Variants in MPRIP observed in about 807,000 individuals in gnomAD.
MPRIP encodes the protein myosin phosphatase Rho interacting protein.
In MPRIP, 59 loss-of-function variants were observed where a neutral mutation model predicts 234.9. That is an observed-to-expected ratio of 0.25 (90% CI 0.20 to 0.31). The LOEUF is 0.31. Among genes scored for constraint, MPRIP ranks in the 10% least tolerant of loss-of-function variants. MPRIP has a pLI of 1.00. For synonymous variants in MPRIP, 1,144 were observed against 1,263.9 expected, an observed-to-expected ratio of 0.91 and a Z score of 2.01; for missense variants, 2,436 against 3,071.0, an observed-to-expected ratio of 0.79 and a Z score of 4.89.
intron 3 of MPRIP, among the ~76,000 whole-genome samples, chr17:17,090,905 A>C (rs1364769345): frequency 6.6e-6 from 1 of 152,098 alleles, no homozygotes; most frequent in Non-Finnish European, 1.5e-5. Flanking sequence ...TTACCTGGTT[A>C]ATGTTTGAAG....
At chr17:17,173,143 G>A (rs927719422) in intron 18 of MPRIP, among the ~76,000 whole-genome samples, 2 of 152,292 alleles carry the variant, frequency 1.3e-5, no homozygotes, top group Non-Finnish European at 2.9e-5. Flanking sequence ...CCAGGAGCCA[G>A]GCAGCCGGGC....
chr17:17,178,344 C>T (rs1374449941), intron 22 of MPRIP: 1 of 152,084 alleles, frequency 6.6e-6, no homozygotes, highest in Non-Finnish European at 1.5e-5. Context: ...TTCTGTCAGG[C>T]AAGGAATAGT....
At chr17:17,109,995 T>C (rs2090138767) in intron 3 of MPRIP, among the ~76,000 whole-genome samples, 1 of 152,158 alleles carries the variant, frequency 6.6e-6, no homozygotes, top group South Asian at 2.1e-4. Flanking sequence ...TTGAAATGTG[T>C]TCCCCAGTGT....
At chr17:17,159,517 G>A (rs1165149760) in intron 14 of MPRIP, among the ~76,000 whole-genome samples, 1 of 152,210 alleles carries the variant, frequency 6.6e-6, no homozygotes, top group Non-Finnish European at 1.5e-5. Flanking sequence ...GAAGACAGTG[G>A]TGAGGCAGGG....
At chr17:17,174,201 T>A in intron 19 of MPRIP, 126 bp downstream of exon 19, 1 of 1,211,166 alleles carries the variant, frequency 8.3e-7, no homozygotes, top group Non-Finnish European at 1.1e-6. Context: ...TGAAGGTCCC[T>A]GAACCACAGA....
chr17:17,129,825 C>G (rs1018415615), intron 4 of MPRIP, among the ~76,000 whole-genome samples: 1 of 152,252 alleles, frequency 6.6e-6, no homozygotes, highest in East Asian at 1.9e-4. Flanking sequence ...TTAAGTGCAG[C>G]CTTCTGCAGG....
intron 3 of MPRIP, among the ~76,000 whole-genome samples, chr17:17,102,949 G>A (rs974423382): frequency 1.3e-5 from 2 of 152,234 alleles, no homozygotes; most frequent in African/African-American, 4.8e-5. Context: ...AACCACTTCT[G>A]TCTGGCATGG....
rs372801599 is a variant in MPRIP, at chr17:17,147,285, G to A, written c.1561-34G>A. Reference sequence around the variant, plus strand: ...TGGCAGGCATGCTGTATAGGAGTTGGTAGTCGAGTCATTTTTCTTTTCTTC... The same window carrying A: ...TGGCAGGCATGCTGTATAGGAGTTGATAGTCGAGTCATTTTTCTTTTCTTC... On this transcript the variant is annotated intron_variant, in intron 10 of 23. Coordinates refer to ENST00000651222, the MANE Select transcript of MPRIP (RefSeq NM_001364716.4). 1.2e-5 allele frequency: 19 copies of A among 1,605,242 alleles called. No individual in the cohort carries two copies. In the African/African-American group the frequency reaches 2.1e-4, roughly 18 times the overall value.
chr17:17,168,257 TC>T (rs1378515807), intron 16 of MPRIP: 1 of 258,968 alleles, frequency 3.9e-6, no homozygotes, highest in Non-Finnish European at 7.6e-6. Context: ...CTTGCCTCCT[TC>T]CTGCCCCTGC....
intron 8 of MPRIP, 149 bp from the exon 9 acceptor site, chr17:17,143,406 TG>T (rs1404452038): frequency 4.0e-6 from 2 of 497,238 alleles, no homozygotes; most frequent in African/African-American, 4.0e-5. Context: ...CTGGCCCTGC[TG>T]CAGACTTGCT....
intron 1 of MPRIP, among the ~76,000 whole-genome samples, chr17:17,052,091 C>T (rs1407993872): frequency 6.6e-6 from 1 of 152,202 alleles, no homozygotes; most frequent in African/African-American, 2.4e-5. Context: ...GAGGAGGGGA[C>T]CCTGAGTTTT....
At chr17:17,127,341 C>T (rs1170270178) in intron 4 of MPRIP, among the ~76,000 whole-genome samples, 2 of 151,930 alleles carry the variant, frequency 1.3e-5, no homozygotes, top group African/African-American at 2.4e-5. Flanking sequence ...ACCTCACACC[C>T]GAGCCACTCT....
Position 17,138,485 on chromosome 17 carries a change from C to T in MPRIP, c.1250+56C>T, listed in dbSNP as rs575304704. On this transcript the variant is annotated intron_variant, in intron 7 of 23. Coordinates refer to ENST00000651222, the MANE Select transcript of MPRIP (RefSeq NM_001364716.4). This position sits in a 1 kb window ranked among gnomAD's most constrained non-coding sequence, Gnocchi z 5.8. The stretch of plus-strand genomic sequence containing the variant: ...AGGCCCACACACATGCACTTCCACC[C>T]ACGCACATACACTCATACTCTCTGT... 5.7e-6 allele frequency: 1 copy of T among 174,122 alleles called. No homozygotes were observed. Among genetic ancestry groups the T allele is most frequent in the East Asian group, 1.7e-4 (1 of 5,968 alleles). The allele number at this position is 174,122 out of a possible 1,614,324, so 10.8% of individuals were successfully genotyped here.
chr17:17,176,275 G>T, intron 20 of MPRIP, 151 bp from the exon 21 acceptor site: 7 of 668,266 alleles, frequency 1.0e-5, no homozygotes. Context: ...GCTGTGAGCG[G>T]TGTTTAAACG....
intron 1 of MPRIP, among the ~76,000 whole-genome samples, chr17:17,068,666 G>C (rs182633415): frequency 3.3e-4 from 50 of 152,028 alleles, no homozygotes; most frequent in Non-Finnish European, 6.2e-4. Context: ...GAGTAGCTGG[G>C]ACTACAGGTG....
At chr17:17,076,770 TCC>T (rs2089338778) in intron 2 of MPRIP, among the ~76,000 whole-genome samples, 1 of 152,082 alleles carries the variant, frequency 6.6e-6, no homozygotes, top group South Asian at 2.1e-4. Flanking sequence ...AGGGAGTAGT[TCC>T]CTTTCCTATT....
chr17:17,165,973 A>G lies in MPRIP; in HGVS notation c.4382A>G (p.His1461Arg), dbSNP rs1269865957. 28 of 1,304,202 alleles carry G rather than the reference A, an allele frequency of 2.1e-5. No homozygotes were observed. The Admixed American group carries it at 5.1e-4, about 24-fold the overall frequency. 80.8% of individuals were successfully genotyped at this position (1,304,202 alleles called of 1,614,324 possible). A position where few individuals can be genotyped will look rare whatever the true frequency, so the allele number is the denominator to read the frequency against. Residue 1461 changes from histidine to arginine, a missense_variant, in exon 16 of 24, where the codon CAT becomes CGT. His to Arg is a conservative substitution (Grantham distance 29). This residue lies in a region of MPRIP where 1,998 missense variants were observed against 2,520.3 expected (regional missense o/e 0.79). Coordinates refer to ENST00000651222, the MANE Select transcript of MPRIP (RefSeq NM_001364716.4). Reference sequence around the variant, plus strand: ...GAGAGGGCCAGGAGGGTTGAAGGGCATGTTGGAGAGCTTGGGGACTTCCAG... The same window carrying G: ...GAGAGGGCCAGGAGGGTTGAAGGGCGTGTTGGAGAGCTTGGGGACTTCCAG... ...RQERARRVEG[H>R]VGELGDFQVK...
At chr17:17,133,146 G>A (rs1275952149) in intron 5 of MPRIP, among the ~76,000 whole-genome samples, 10 of 152,184 alleles carry the variant, frequency 6.6e-5, no homozygotes, top group Admixed American at 2.6e-4. Context: ...GGTAGAAGGA[G>A]CCACATGATC....
rs2046043842 is a variant in MPRIP at position 17,168,057 on chromosome 17, A to T, written c.6324+142A>T. 4.5e-6 allele frequency: 3 copies of T among 668,298 alleles called. No individual in the cohort carries two copies. In the African/African-American group the frequency reaches 5.7e-5, roughly 13 times the overall value. 41.4% of individuals were successfully genotyped at this position (668,298 alleles called of 1,614,324 possible). A position where few individuals can be genotyped will look rare whatever the true frequency, so the allele number is the denominator to read the frequency against. ...TACTTGCTAGCCATGGTGTGGTCTCAGCAGGGCCTGGGCCGCAGGCTTAGC... is the reference window on the plus strand; with the variant it reads ...TACTTGCTAGCCATGGTGTGGTCTCTGCAGGGCCTGGGCCGCAGGCTTAGC... On this transcript the variant is annotated intron_variant, in intron 16 of 23. Coordinates refer to ENST00000651222, the MANE Select transcript of MPRIP (RefSeq NM_001364716.4).
Sources: gnomAD v4.1 joint callset for allele counts (sites outside exome capture counted in the v4.1 genomes callset) on GRCh38, gnomAD v4.1.1 for gene constraint, gnomAD v4.1.1 regional missense constraint, Gnocchi (gnomAD v3.1) non-coding constraint, MANE v1.5 for transcripts, NCBI Gene and HGNC (gene_info 2026-07-23, HGNC 2026-07-21) for gene names.